The following CPXM2 variants were observed in gnomAD, a reference collection of about 807,000 sequenced individuals.
CPXM2 encodes the protein inactive carboxypeptidase-like protein X2.
A neutral mutation model predicts 86.1 loss-of-function variants in CPXM2; 66 were observed. The ratio of observed to expected loss-of-function variants is 0.77; its 90% CI spans 0.63 to 0.94. CPXM2 has a LOEUF of 0.94. Ranked by LOEUF, CPXM2 falls within the 40% of genes least tolerant of loss-of-function variation. The pLI, the probability that CPXM2 is intolerant of heterozygous loss-of-function variation, is 0.00. For missense variants in CPXM2, 948 were observed against 1,026.3 expected, an observed-to-expected ratio of 0.92 and a Z score of 1.04; for synonymous variants, 388 against 400.2, an observed-to-expected ratio of 0.97 and a Z score of 0.36.
intron 4 of CPXM2, among the ~76,000 whole-genome samples, chr10:123,807,105 G>A (rs1430218836): frequency 6.6e-6 from 1 of 152,184 alleles, no homozygotes; most frequent in African/African-American, 2.4e-5. Context: ...CTGGCACGTA[G>A]TAACTGTTCC....
intron 4 of CPXM2, among the ~76,000 whole-genome samples, chr10:123,817,340 T>C (rs1181810248): frequency 6.6e-6 from 1 of 152,168 alleles, no homozygotes; most frequent in Non-Finnish European, 1.5e-5. Flanking sequence ...TCTGGAGCCT[T>C]TGGCAGGCCC....
intron 1 of CPXM2, among the ~76,000 whole-genome samples, chr10:123,882,265 G>T (rs538541095): frequency 9.8e-5 from 15 of 152,318 alleles, no homozygotes; most frequent in African/African-American, 3.4e-4. Context: ...CCCCTTTAGT[G>T]TCTAGAAGCC....
intron 13 of CPXM2, among the ~76,000 whole-genome samples, chr10:123,748,849 C>T (rs985146502): frequency 3.3e-5 from 5 of 152,104 alleles, no homozygotes; most frequent in African/African-American, 9.7e-5. Flanking sequence ...ACCTCCTCCA[C>T]GTGCCCTCCC....
rs564623475 is a variant in CPXM2 at position 123,761,878 on chromosome 10, C to G, written c.1771G>C (p.Ala591Pro). ...CCCCCAGAGGGAGGCTTACTTCCAG[C>G]GACGGTGTGCCAGGAGGCCCCATTG... The part of the protein sequence containing the change: ...TVNGASWHTV[A>P]GSLNDFSYLH... The change falls in exon 11 of 14, where the codon GCT (alanine) becomes CCT (proline). Residue 591 changes from alanine to proline, a missense_variant. Coordinates refer to ENST00000241305, the MANE Select transcript of CPXM2 (RefSeq NM_198148.3). The G allele has an allele frequency of 2.5e-6, 4 of 1,612,862 alleles. No individual in the cohort carries two copies. The South Asian group carries it at 3.3e-5, about 13-fold the overall frequency.
chr10:123,893,692 C>T (rs932000907), upstream of CPXM2, among the ~76,000 whole-genome samples: 1 of 151,998 alleles, frequency 6.6e-6, no homozygotes. Context: ...ATGGCCTATC[C>T]CCAGGGCTCA....
At chr10:123,899,189 C>T (rs961825932) in intron 2 of CPXM2, among the ~76,000 whole-genome samples, 25 of 152,170 alleles carry the variant, frequency 1.6e-4, no homozygotes, top group African/African-American at 6.0e-4. Context: ...GTTATATAGA[C>T]ACTAAAAATC....
chr10:123,937,464 CAAAACAACACACACA>C (rs1945731448), intron 2 of CPXM2, among the ~76,000 whole-genome samples: 1 of 119,540 alleles, frequency 8.4e-6, no homozygotes, highest in African/African-American at 3.5e-5. Context: ...AACAAGACAA[CAAAACAACACACACA>C]CACACACACA....
chr10:123,821,078 C>T (rs1010594996), intron 4 of CPXM2, among the ~76,000 whole-genome samples: 5 of 152,162 alleles, frequency 3.3e-5, no homozygotes, highest in South Asian at 2.1e-4. Flanking sequence ...CCAGGCTTGA[C>T]GATCCAGTCT....
intron 6 of CPXM2, among the ~76,000 whole-genome samples, chr10:123,789,028 C>T (rs1847141244): frequency 6.6e-6 from 1 of 152,110 alleles, no homozygotes; most frequent in South Asian, 2.1e-4. Context: ...GGCCTTGTGA[C>T]CTCCCCAAAC....
intron 1 of CPXM2, chr10:123,887,004 C>G (rs1386498987): frequency 6.6e-6 from 1 of 152,158 alleles, no homozygotes; most frequent in Non-Finnish European, 1.5e-5. Flanking sequence ...AAACTGAGGA[C>G]CTGAGATTCA....
At chr10:123,788,440 G>A (rs1456580131) in intron 6 of CPXM2, among the ~76,000 whole-genome samples, 1 of 152,106 alleles carries the variant, frequency 6.6e-6, no homozygotes, top group Non-Finnish European at 1.5e-5. Context: ...AGCCCGATAC[G>A]AAACTTCCCC....
chr10:123,780,397 C>G (rs182123750), intron 6 of CPXM2, 142 bp from the exon 7 acceptor site: 118 of 607,732 alleles, frequency 1.9e-4, no homozygotes, highest in African/African-American at 1.6e-3. Flanking sequence ...GAAAACCAAC[C>G]TGCAGGAAGC....
intron 6 of CPXM2, among the ~76,000 whole-genome samples, chr10:123,783,030 C>A (rs1426294160): frequency 6.6e-6 from 1 of 152,236 alleles, no homozygotes; most frequent in Non-Finnish European, 1.5e-5. Context: ...CCCACCAGCT[C>A]CAAGACAGTT....
intron 4 of CPXM2, among the ~76,000 whole-genome samples, chr10:123,802,807 T>C (rs965770494): frequency 1.3e-5 from 2 of 152,228 alleles, no homozygotes; most frequent in Non-Finnish European, 2.9e-5. Context: ...CATGCTCTTA[T>C]TGACACTTGT....
At chr10:123,789,290 G>C (rs551095598) in intron 6 of CPXM2, among the ~76,000 whole-genome samples, 2 of 152,242 alleles carry the variant, frequency 1.3e-5, no homozygotes, top group Non-Finnish European at 2.9e-5. Context: ...GGGCCCCTCA[G>C]AGGGGGCAGC....
At chr10:123,772,840 C>T (rs1846679776) in intron 7 of CPXM2, among the ~76,000 whole-genome samples, 1 of 151,432 alleles carries the variant, frequency 6.6e-6, no homozygotes, top group Non-Finnish European at 1.5e-5. Flanking sequence ...TATCACCTCC[C>T]TGGTTGTGGT....
rs112348847 is a variant in CPXM2 at position 123,773,147 on chromosome 10, T to C, written c.979-2108A>G. Among the ~76,000 whole-genome samples, 909 of 152,264 alleles carry C rather than the reference T, an allele frequency of 6.0e-3. 12 individuals are homozygous for C. Among genetic ancestry groups the C allele is most frequent in the African/African-American group, 0.021 (863 of 41,528 alleles). ...GTCACCCCCTCCCTCATTGTGGTTA[T>C]CAGCTCCCTGGTTGTGGTTATTGCC... On this transcript the variant is annotated intron_variant, in intron 7 of 13. Coordinates refer to ENST00000241305, the MANE Select transcript of CPXM2 (RefSeq NM_198148.3).
At chr10:123,786,776 CA>C (rs1227366503) in intron 6 of CPXM2, among the ~76,000 whole-genome samples, 1 of 151,914 alleles carries the variant, frequency 6.6e-6, no homozygotes. Flanking sequence ...TCCCAAGCAC[CA>C]AAAAAAGACA....
At position 123,747,020 on chromosome 10, in the gene CPXM2, G is replaced by A. The variant is rs1300851960; in HGVS notation, c.2018-3C>T. 3 of 1,612,754 alleles carry A rather than the reference G, an allele frequency of 1.9e-6. No homozygotes were observed. In the South Asian group the frequency reaches 3.3e-5, roughly 18 times the overall value. On this transcript the variant is annotated splice_region_variant and splice_polypyrimidine_tract_variant and intron_variant, in intron 13 of 13. Coordinates refer to ENST00000241305, the MANE Select transcript of CPXM2 (RefSeq NM_198148.3). ...GCGCCAGTAATCCCCATCGTTGGCT[G>A]TGAAAAAGAAAACCAGGGGAGACTC...
Sources: allele counts gnomAD v4.1 joint callset (sites outside exome capture counted in the v4.1 genomes callset), GRCh38; gene constraint gnomAD v4.1.1; transcripts MANE v1.5; gene names NCBI Gene and HGNC (gene_info 2026-07-23, HGNC 2026-07-21).